The following NR5A2 variants were observed in gnomAD, a reference collection of about 807,000 sequenced individuals.
NR5A2 encodes the protein CYP7A promoter-binding factor.
A neutral mutation model predicts 62.7 loss-of-function variants in NR5A2; 26 were observed. The ratio of observed to expected loss-of-function variants is 0.41; its 90% CI spans 0.30 to 0.58. The LOEUF is 0.58. NR5A2 is among the 20% of genes least tolerant of loss of function. The pLI is 0.22. For synonymous variants in NR5A2, 246 were observed against 241.7 expected (o/e 1.02, Z -0.16); for missense variants, 541 against 669.1 (o/e 0.81, Z 2.11).
Position 200,147,557 on chromosome 1 carries a change from G to T in NR5A2, c.1379-26406G>T. 1 of 696,458 alleles carries T rather than the reference G, an allele frequency of 1.4e-6. No homozygotes were observed. Among genetic ancestry groups the T allele is most frequent in the Non-Finnish European group, 2.7e-6 (1 of 372,544 alleles). The allele number at this position is 696,458 out of a possible 1,614,324, so 43.1% of individuals were successfully genotyped here. On this transcript the variant is annotated intron_variant, in intron 7 of 7. Coordinates refer to ENST00000367362, the MANE Select transcript of NR5A2 (RefSeq NM_205860.3). The surrounding 1 kb of genome is among the most constrained non-coding windows in gnomAD (Gnocchi z 4.9). ...TGTGATTTCCTTGGTTTCTCCATTGGTGTGCTTAAAGCGATCTCCTCTACA... is the reference window on the plus strand; with the variant it reads ...TGTGATTTCCTTGGTTTCTCCATTGTTGTGCTTAAAGCGATCTCCTCTACA...
chr1:200,088,561 AG>A (rs1664667700), intron 5 of NR5A2, among the ~76,000 whole-genome samples: 1 of 152,080 alleles, frequency 6.6e-6, no homozygotes, highest in African/African-American at 2.4e-5. Context: ...CTGACCGCCC[AG>A]CCCCTTGTTA....
chr1:200,061,120 CAA>C (rs34729240), intron 5 of NR5A2, among the ~76,000 whole-genome samples: 26,421 of 74,860 alleles, frequency 0.35, 3,350 homozygotes, highest in African/African-American at 0.53. Flanking sequence ...AACTCCGTCT[CAA>C]AAAAAAAAAA....
At chr1:200,053,893 G>T (rs936736461) in intron 5 of NR5A2, among the ~76,000 whole-genome samples, 3 of 152,204 alleles carry the variant, frequency 2.0e-5, no homozygotes, top group African/African-American at 7.2e-5. Context: ...ACCCTCTGCG[G>T]ATAGTTTACT....
chr1:200,108,439 T>C (rs1352711714), intron 5 of NR5A2, among the ~76,000 whole-genome samples: 1 of 152,136 alleles, frequency 6.6e-6, no homozygotes, highest in African/African-American at 2.4e-5. Context: ...GAAGATAGTC[T>C]CAGTTCTTCC....
rs147545751 is a variant in NR5A2 at position 200,084,515 on chromosome 1, G to A, written c.1111-26687G>A. Among the ~76,000 whole-genome samples the A allele has an allele frequency of 4.0e-3, 604 of 152,282 alleles. 4 individuals carry two copies. Among genetic ancestry groups the A allele is most frequent in the African/African-American group, 0.014 (578 of 41,548 alleles). On this transcript the variant is annotated intron_variant, in intron 5 of 7. Coordinates refer to ENST00000367362, the MANE Select transcript of NR5A2 (RefSeq NM_205860.3). ...AGGTGAACTGATCACAGAGAAGGGTGTAAATCATCTGAATAAACAATGGAT... is the reference window on the plus strand; with the variant it reads ...AGGTGAACTGATCACAGAGAAGGGTATAAATCATCTGAATAAACAATGGAT...
chr1:200,088,785 G>A (rs948320048), intron 5 of NR5A2, among the ~76,000 whole-genome samples: 1 of 152,158 alleles, frequency 6.6e-6, no homozygotes, highest in African/African-American at 2.4e-5. Context: ...CGGGCAGCAA[G>A]CTCACTGCAT....
chr1:200,074,995 G>T lies in NR5A2; in HGVS notation c.1110+26177G>T, dbSNP rs115214303. 7.2e-5 allele frequency among the ~76,000 whole-genome samples: 11 copies of T among 152,104 alleles called. 1 individual carries two copies. The South Asian group carries it at 2.1e-3, about 29-fold the overall frequency. On this transcript the variant is annotated intron_variant, in intron 5 of 7. Transcript: ENST00000367362. ...TGTATTACTTATTTATAAACTATAT[G>T]TGTATTCTGGTGAAAGATTGTCCTC...
chr1:200,142,633 A>G (rs1020269037), intron 7 of NR5A2, among the ~76,000 whole-genome samples: 2 of 152,136 alleles, frequency 1.3e-5, no homozygotes, highest in African/African-American at 4.8e-5. Context: ...GGCTCAAGCA[A>G]TCCTCCCACT....
At chr1:200,114,034 T>A (rs910028532) in intron 6 of NR5A2, among the ~76,000 whole-genome samples, 4 of 151,890 alleles carry the variant, frequency 2.6e-5, no homozygotes, top group African/African-American at 9.7e-5. Context: ...TACAAAAAAA[T>A]TAGCCTGGCA....
At chr1:200,086,932 A>T (rs1664556057) in intron 5 of NR5A2, among the ~76,000 whole-genome samples, 1 of 152,104 alleles carries the variant, frequency 6.6e-6, no homozygotes, top group South Asian at 2.1e-4. Flanking sequence ...CCAGCTACTC[A>T]GGAGGCTGAG....
At chr1:200,054,362 A>AT (rs34968538) in intron 5 of NR5A2, among the ~76,000 whole-genome samples, 11 of 147,340 alleles carry the variant, frequency 7.5e-5, no homozygotes, top group East Asian at 3.9e-4. Flanking sequence ...TTTTTCAGTT[A>AT]TTTTTTTTTT....
At chr1:200,059,491 G>A (rs917588609) in intron 5 of NR5A2, among the ~76,000 whole-genome samples, 1 of 152,176 alleles carries the variant, frequency 6.6e-6, no homozygotes, top group African/African-American at 2.4e-5. Flanking sequence ...TTTCCAGCAG[G>A]CACACAGATT....
intron 5 of NR5A2, among the ~76,000 whole-genome samples, chr1:200,099,951 T>A (rs961919797): frequency 6.6e-6 from 1 of 152,200 alleles, no homozygotes; most frequent in Non-Finnish European, 1.5e-5. Context: ...GTCTGGAAAA[T>A]GAGAATTACA....
In NR5A2 at chr1:200,176,121, C is replaced by G. The variant is rs1367948547; in HGVS notation, c.*1911C>G. 6.6e-6 allele frequency: 1 copy of G among 152,590 alleles called. No individual in the cohort carries two copies. Among genetic ancestry groups the G allele is most frequent in the Non-Finnish European group, 1.5e-5 (1 of 68,026 alleles). The allele number at this position is 152,590 out of a possible 1,614,324, so 9.5% of individuals were successfully genotyped here. ...TTCACTTGATTAAATGTCTGTAAAT[C>G]TTCATCATTCCTACTGTAGTTTATT... On this transcript the variant is annotated 3_prime_UTR_variant, in exon 8 of 8. Coordinates refer to ENST00000367362, the MANE Select transcript of NR5A2 (RefSeq NM_205860.3).
intron 5 of NR5A2, among the ~76,000 whole-genome samples, chr1:200,100,517 A>G (rs1665316091): frequency 6.6e-6 from 1 of 152,208 alleles, no homozygotes; most frequent in African/African-American, 2.4e-5. Context: ...CAGCCCTGGC[A>G]TCTGCTATAA....
chr1:200,045,342 A>G, intron 3 of NR5A2, 101 bp from the exon 4 acceptor site: 1 of 1,034,044 alleles, frequency 9.7e-7, no homozygotes, highest in Non-Finnish European at 1.4e-6. Flanking sequence ...GGGCTCAAAT[A>G]GTGCAATGAG....
chr1:200,158,854 A>G (rs1477442398), intron 7 of NR5A2, among the ~76,000 whole-genome samples: 1 of 150,840 alleles, frequency 6.6e-6, no homozygotes, highest in Non-Finnish European at 1.5e-5. Context: ...AAAATTCCCT[A>G]TCCTATTCTG....
chr1:200,040,983 C>G (rs1662043147), intron 2 of NR5A2, among the ~76,000 whole-genome samples: 1 of 152,194 alleles, frequency 6.6e-6, no homozygotes, highest in South Asian at 2.1e-4. Flanking sequence ...GGAGGCTGAC[C>G]TGTGGGTCTG....
chr1:200,095,774 G>A (rs529705763), intron 5 of NR5A2, among the ~76,000 whole-genome samples: 5 of 152,008 alleles, frequency 3.3e-5, no homozygotes, highest in Admixed American at 1.3e-4. Context: ...GGATGGTGTC[G>A]ATCTCCTGAC....
Sources: allele counts gnomAD v4.1 joint callset (sites outside exome capture counted in the v4.1 genomes callset), GRCh38; gene constraint gnomAD v4.1.1; non-coding constraint Gnocchi (gnomAD v3.1); transcripts MANE v1.5; gene names NCBI Gene and HGNC (gene_info 2026-07-23, HGNC 2026-07-21).